The following SERPINA12 variants were observed in gnomAD, a reference collection of about 807,000 sequenced individuals.
SERPINA12 encodes serpin family A member 12.
SERPINA12 carries 21 observed loss-of-function variants against 25.9 expected under a neutral mutation model. The observed-to-expected ratio is 0.81, with a 90% confidence interval of 0.58 to 1.17. SERPINA12 has a LOEUF of 1.17. SERPINA12 is among the 50% of genes most tolerant of loss of function. The pLI is 0.00. For synonymous variants in SERPINA12, 220 were observed against 196.0 expected, an observed-to-expected ratio of 1.12 and a Z score of -1.02; for missense variants, 562 against 508.3, an observed-to-expected ratio of 1.11 and a Z score of -1.02.
chr14:94,511,582 G>C, upstream of SERPINA12: 1 of 985,390 alleles, frequency 1.0e-6, no homozygotes, highest in Non-Finnish European at 1.2e-6. Context: ...CCCAGAACAG[G>C]AACCGACACC....
chr14:94,505,112 T>G (rs558878363), intron 1 of SERPINA12, among the ~76,000 whole-genome samples: 1 of 152,338 alleles, frequency 6.6e-6, no homozygotes, highest in South Asian at 2.1e-4. Flanking sequence ...TGTTTCACAG[T>G]AGGTCGTATC....
chr14:94,489,692 A>C lies in SERPINA12; in HGVS notation c.981T>G (p.Gly327=), dbSNP rs752012058. The C allele has an allele frequency of 1.2e-6, 2 of 1,614,026 alleles. No individual in the cohort carries two copies. Among genetic ancestry groups the C allele is most frequent in the Non-Finnish European group, 1.7e-6 (2 of 1,180,024 alleles). ...FDLKKTLSYI[G]VSKIFEEHGD... is the part of the protein sequence containing the mutation. ...CATGTTCCTCAAAGATTTTGGAGACACCTATGTAGGAGAGAGTCTTCTTCA... is the reference window on the plus strand; with the variant it reads ...CATGTTCCTCAAAGATTTTGGAGACCCCTATGTAGGAGAGAGTCTTCTTCA... Residue 327 remains glycine, a synonymous_variant, in exon 4 of 5, where the codon GGT becomes GGG. Coordinates refer to ENST00000677451, the MANE Select transcript of SERPINA12 (RefSeq NM_001382267.1).
At chr14:94,504,203 C>T (rs1025182434) in intron 1 of SERPINA12, 4 of 152,226 alleles carry the variant, frequency 2.6e-5, no homozygotes, top group African/African-American at 9.7e-5. Flanking sequence ...ACTTCCATGG[C>T]CTCTTGGAAG....
intron 1 of SERPINA12, among the ~76,000 whole-genome samples, chr14:94,506,559 C>T (rs945106980): frequency 2.0e-5 from 3 of 152,216 alleles, no homozygotes; most frequent in Non-Finnish European, 2.9e-5. Flanking sequence ...AAGGATTTTG[C>T]ATCCTGGAGA....
intron 1 of SERPINA12, among the ~76,000 whole-genome samples, chr14:94,500,566 G>C (rs1900674308): frequency 6.6e-6 from 1 of 152,258 alleles, no homozygotes; most frequent in African/African-American, 2.4e-5. Context: ...TGGCTTAAGG[G>C]GTGCAATGAG....
chr14:94,491,239 C>T (rs1024909486), intron 3 of SERPINA12, among the ~76,000 whole-genome samples: 2 of 152,178 alleles, frequency 1.3e-5, no homozygotes, highest in East Asian at 3.8e-4. Context: ...ACCACTTAAG[C>T]CTACATACAT....
At chr14:94,487,705 AG>A (rs1356220708) in intron 4 of SERPINA12, among the ~76,000 whole-genome samples, 1 of 151,972 alleles carries the variant, frequency 6.6e-6, no homozygotes, top group Non-Finnish European at 1.5e-5. Context: ...AAGATGGTGC[AG>A]GGGGAGCATC....
chr14:94,506,279 G>A (rs1900930812), intron 1 of SERPINA12, among the ~76,000 whole-genome samples: 1 of 152,144 alleles, frequency 6.6e-6, no homozygotes, highest in Non-Finnish European at 1.5e-5. Flanking sequence ...CTCACTCTTT[G>A]GATCTCCCAG....
chr14:94,514,132 G>C (rs1453955884), upstream of SERPINA12, among the ~76,000 whole-genome samples: 1 of 152,214 alleles, frequency 6.6e-6, no homozygotes, highest in Non-Finnish European at 1.5e-5. Context: ...ACAGTGCCTG[G>C]ACTGTGCCGC....
chr14:94,504,482 T>C (rs536942160), intron 1 of SERPINA12, among the ~76,000 whole-genome samples: 1 of 152,356 alleles, frequency 6.6e-6, no homozygotes, highest in Admixed American at 6.5e-5. Context: ...TCAACCCAAG[T>C]ATCATCATTG....
At chr14:94,510,998 T>A (rs1254445100), upstream of SERPINA12, among the ~76,000 whole-genome samples, 1 of 152,166 alleles carries the variant, frequency 6.6e-6, no homozygotes, top group African/African-American at 2.4e-5. Flanking sequence ...CAGTGTACAC[T>A]GTTCAGGTGA....
At chr14:94,510,258 A>G, upstream of SERPINA12, 1 of 985,446 alleles carries the variant, frequency 1.0e-6, no homozygotes, top group Non-Finnish European at 1.2e-6. Flanking sequence ...TTAAAATAAT[A>G]TAGACCCAAG....
intron 1 of SERPINA12, chr14:94,503,338 G>A (rs539708672): frequency 1.0e-6 from 1 of 984,876 alleles, no homozygotes; most frequent in East Asian, 1.1e-4. Context: ...TTGTTAATTT[G>A]CCCTGTAGAT....
chr14:94,487,375 C>A lies in SERPINA12; in HGVS notation c.1173G>T (p.Leu391=). ...GTATTTTCTCGCTGTAAATCAGCAG[C>A]AGATAGGGTTTGTCTATCTTGACGA... ...PLVVKIDKPY[L]LLIYSEKIPS... is the part of the protein sequence containing the mutation. The change falls in exon 5 of 5, where the codon CTG becomes CTT. Residue 391 remains leucine (L), a synonymous_variant. Transcript: ENST00000677451. 1 of 1,614,136 alleles carries A rather than the reference C, an allele frequency of 6.2e-7. No individual in the cohort carries two copies. The highest frequency in any genetic ancestry group is 8.5e-7 in the Non-Finnish European group (1 of 1,180,004).
At chr14:94,496,818 A>C (rs1900447710) in intron 2 of SERPINA12, among the ~76,000 whole-genome samples, 175 bp from the exon 3 acceptor site, 1 of 152,158 alleles carries the variant, frequency 6.6e-6, no homozygotes, top group African/African-American at 2.4e-5. Flanking sequence ...ATATGGGCTC[A>C]GGTGCAATTA....
chr14:94,496,664 A>G, intron 2 of SERPINA12, 21 bp from the exon 3 acceptor site: 1 of 1,610,234 alleles, frequency 6.2e-7, no homozygotes. Context: ...AGAAAGACAA[A>G]CAGACATGTT....
At chr14:94,509,663 C>T (rs976373841), upstream of SERPINA12, among the ~76,000 whole-genome samples, 3 of 152,178 alleles carry the variant, frequency 2.0e-5, no homozygotes, top group Non-Finnish European at 4.4e-5. Context: ...ATCAGGCCTA[C>T]TTTTTCTCTC....
chr14:94,502,498 G>A (rs1446402613), intron 1 of SERPINA12, among the ~76,000 whole-genome samples: 2 of 152,104 alleles, frequency 1.3e-5, no homozygotes, highest in African/African-American at 4.8e-5. Context: ...CGCTTCCCCC[G>A]TTATCACCAC....
At position 94,498,430 on chromosome 14, in the gene SERPINA12, C is replaced by T; in HGVS notation, c.-33G>A. The T allele has an allele frequency of 1.9e-6, 3 of 1,590,074 alleles. No homozygotes were observed. Among genetic ancestry groups the T allele is most frequent in the Non-Finnish European group, 2.6e-6 (3 of 1,169,166 alleles). On this transcript the variant is annotated splice_region_variant and 5_prime_UTR_variant, in exon 2 of 5. Transcript: ENST00000677451. ...GAAGAATATCCTGTTGAGTAGTAGA[C>T]CTGAGGTCAGCAGAAAAAAAGAACA...
Sources: allele counts gnomAD v4.1 joint callset (sites outside exome capture counted in the v4.1 genomes callset), GRCh38; gene constraint gnomAD v4.1.1; transcripts MANE v1.5; gene names NCBI Gene and HGNC (gene_info 2026-07-23, HGNC 2026-07-21).